Variants in FBXW7 observed in about 807,000 individuals in gnomAD.
The protein encoded by FBXW7 is F-box and WD repeat domain containing 7, also known as F-box/WD repeat-containing protein 7.
Under a neutral mutation model 86.3 loss-of-function variants are expected in FBXW7, and 11 were observed. The observed-to-expected ratio is 0.13, with a 90% CI of 0.08 to 0.21. FBXW7 has a LOEUF of 0.21. Ranked by LOEUF, FBXW7 falls within the 10% of genes least tolerant of loss-of-function variation. FBXW7 has a pLI of 1.00. For synonymous variants in FBXW7, 313 were observed against 297.9 expected (o/e 1.05, Z -0.52); for missense variants, 488 against 847.4 (o/e 0.58, Z 5.27).
At chr4:152,359,087 G>T (rs1048175476) in intron 4 of FBXW7, among the ~76,000 whole-genome samples, 1 of 152,072 alleles carries the variant, frequency 6.6e-6, no homozygotes, top group African/African-American at 2.4e-5. Flanking sequence ...GTTATTTTAG[G>T]TCCATATTAA....
intron 4 of FBXW7, among the ~76,000 whole-genome samples, chr4:152,369,117 A>G (rs1170265835): frequency 1.3e-5 from 2 of 152,266 alleles, no homozygotes; most frequent in Non-Finnish European, 1.5e-5. Context: ...AATCTCTATC[A>G]TAAGTACTAT....
At chr4:152,430,584 T>C (rs1020115567) in intron 2 of FBXW7, among the ~76,000 whole-genome samples, 13 of 152,282 alleles carry the variant, frequency 8.5e-5, no homozygotes, top group East Asian at 1.9e-4. Context: ...AAGTGGGTTA[T>C]AATGTTACTT....
intron 4 of FBXW7, chr4:152,352,970 C>T (rs2126666818): frequency 2.9e-6 from 4 of 1,367,074 alleles, no homozygotes; most frequent in East Asian, 5.3e-5. Flanking sequence ...ACACAACGCA[C>T]TGAACAGAGG....
chr4:152,445,934 A>T (rs796795779), intron 2 of FBXW7, among the ~76,000 whole-genome samples: 5,686 of 125,642 alleles, frequency 0.045, 398 homozygotes, highest in African/African-American at 0.17. Context: ...AAAAAAAAAA[A>T]AAAAAAAACC....
At chr4:152,339,542 T>A (rs372870268) in intron 6 of FBXW7, among the ~76,000 whole-genome samples, 2 of 152,076 alleles carry the variant, frequency 1.3e-5, no homozygotes, top group South Asian at 2.1e-4. Context: ...TTGAGGTGGG[T>A]TTTGATAATA....
intron 2 of FBXW7, among the ~76,000 whole-genome samples, chr4:152,508,681 CAAGG>C (rs1747671105): frequency 2.0e-5 from 3 of 148,476 alleles, no homozygotes; most frequent in Non-Finnish European, 4.5e-5. Context: ...AAAAAAACAG[CAAGG>C]AAGTTAAAAA....
chr4:152,365,700 G>A (rs1579003986), intron 4 of FBXW7, among the ~76,000 whole-genome samples: 1 of 152,156 alleles, frequency 6.6e-6, no homozygotes, highest in Non-Finnish European at 1.5e-5. Context: ...GAGATATCTT[G>A]GAGATAACTG....
rs199939032 is a variant in FBXW7, at chr4:152,495,993, A to G, written c.-120+38948T>C. ...GGAGTTCGAGAGCAGCCTGGGCAAC[A>G]TAGCAAGACCTCATCTCTACAAATA... On this transcript the variant is annotated intron_variant, in intron 2 of 13. Transcript: ENST00000281708. Among the ~76,000 whole-genome samples, 26 of 152,304 alleles carry G rather than the reference A, an allele frequency of 1.7e-4. No individual in the cohort carries two copies. In the East Asian group the frequency reaches 1.9e-3, roughly 11 times the overall value.
intron 4 of FBXW7, among the ~76,000 whole-genome samples, chr4:152,359,940 G>A (rs960513238): frequency 2.6e-5 from 4 of 152,168 alleles, no homozygotes; most frequent in Non-Finnish European, 5.9e-5. Context: ...TTTGATAAGT[G>A]TTGAGAGGGA....
intron 2 of FBXW7, among the ~76,000 whole-genome samples, chr4:152,446,177 T>C (rs1579222311): frequency 6.6e-6 from 1 of 152,278 alleles, no homozygotes; most frequent in East Asian, 1.9e-4. Flanking sequence ...TAGAAAAAAT[T>C]GGCAGCACCA....
At chr4:152,506,388 C>T (rs1203738481) in intron 2 of FBXW7, among the ~76,000 whole-genome samples, 1 of 152,242 alleles carries the variant, frequency 6.6e-6, no homozygotes, top group East Asian at 1.9e-4. Flanking sequence ...GCCTCAGCCT[C>T]CCAAAGTGTT....
intron 2 of FBXW7, among the ~76,000 whole-genome samples, chr4:152,459,977 A>G (rs79367552): frequency 0.014 from 2,080 of 152,294 alleles, 26 homozygotes; most frequent in Middle Eastern, 0.037. Flanking sequence ...ACACTGCCAG[A>G]GACTCGGGGA....
intron 2 of FBXW7, among the ~76,000 whole-genome samples, chr4:152,493,115 A>C (rs993205820): frequency 6.6e-6 from 1 of 151,874 alleles, no homozygotes; most frequent in African/African-American, 2.4e-5. Context: ...AGAGCAATAG[A>C]TCAGAGAGGC....
intron 4 of FBXW7, among the ~76,000 whole-genome samples, chr4:152,381,580 C>A (rs939092140): frequency 2.6e-5 from 4 of 151,976 alleles, no homozygotes; most frequent in Admixed American, 6.6e-5. Flanking sequence ...GTACGTAATC[C>A]TGAGAAACAT....
chr4:152,412,815 T>A (rs1738087337), intron 2 of FBXW7, among the ~76,000 whole-genome samples: 1 of 152,116 alleles, frequency 6.6e-6, no homozygotes, highest in African/African-American at 2.4e-5. Flanking sequence ...GAAGACAACA[T>A]TTCAAAATAA....
At chr4:152,486,680 G>A in intron 2 of FBXW7, among the ~76,000 whole-genome samples, 1 of 151,134 alleles carries the variant, frequency 6.6e-6, no homozygotes, top group East Asian at 1.9e-4. Flanking sequence ...GGAACTGCCT[G>A]AGGCTGTTTT....
intron 2 of FBXW7, among the ~76,000 whole-genome samples, chr4:152,527,341 A>C (rs918587107): frequency 2.0e-5 from 3 of 152,258 alleles, no homozygotes; most frequent in Non-Finnish European, 2.9e-5. Flanking sequence ...ACCTGTTTTC[A>C]ACCATTTGGT....
intron 4 of FBXW7, among the ~76,000 whole-genome samples, chr4:152,398,860 T>A (rs543865410): frequency 8.5e-5 from 13 of 152,120 alleles, no homozygotes; most frequent in African/African-American, 3.1e-4. Context: ...ATCTCACTAA[T>A]AAGATTGATA....
At chr4:152,439,161 C>A (rs1740645197) in intron 2 of FBXW7, among the ~76,000 whole-genome samples, 1 of 152,070 alleles carries the variant, frequency 6.6e-6, no homozygotes, top group South Asian at 2.1e-4. Context: ...CTAGGCATTC[C>A]ACAATGTTAA....
Sources: gnomAD v4.1 joint callset for allele counts (sites outside exome capture counted in the v4.1 genomes callset) on GRCh38, gnomAD v4.1.1 for gene constraint, MANE v1.5 for transcripts, NCBI Gene and HGNC (gene_info 2026-07-23, HGNC 2026-07-21) for gene names.